TNFSF4: variants seen among roughly 807,000 people sequenced by gnomAD.
The protein encoded by TNFSF4 is tumor necrosis factor ligand superfamily member 4.
TNFSF4 carries 4 observed loss-of-function variants against 7.3 expected under a neutral mutation model. The observed-to-expected ratio is 0.55, with a 90% CI of 0.27 to 1.25. TNFSF4 has a LOEUF of 1.25. TNFSF4 is among the 50% of genes most tolerant of loss of function. The pLI is 0.12. For synonymous variants in TNFSF4, 76 were observed against 83.7 expected (o/e 0.91, Z 0.50); for missense variants, 181 against 208.8 (o/e 0.87, Z 0.82).
At chr1:173,248,787 C>T in the TNFSF4 span, among the ~76,000 whole-genome samples, 1 of 152,120 alleles carries the variant, frequency 6.6e-6, no homozygotes, top group East Asian at 1.9e-4. Context: ...ACTCCCTGTT[C>T]GTCAGTGCAC....
the TNFSF4 span, among the ~76,000 whole-genome samples, chr1:173,308,285 C>CTCTGTGTGTGTG: frequency 5.2e-5 from 7 of 135,124 alleles, no homozygotes; most frequent in East Asian, 2.1e-4. Context: ...CTCTCTCTCT[C>CTCTGTGTGTGTG]TGTGTGTGTG....
At chr1:173,383,180 T>A in the TNFSF4 span, among the ~76,000 whole-genome samples, 2 of 152,110 alleles carry the variant, frequency 1.3e-5, no homozygotes, top group African/African-American at 2.4e-5. Flanking sequence ...TAACTAAACA[T>A]CTTACTATGT....
chr1:173,416,638 T>TATTTTTTGAGA, the TNFSF4 span, among the ~76,000 whole-genome samples: 458 of 110,132 alleles, frequency 4.2e-3, 2 homozygotes, highest in African/African-American at 0.011. Flanking sequence ...ATTTATTTTT[T>TATTTTTTGAGA]GAGAGAGAGA....
the TNFSF4 span, among the ~76,000 whole-genome samples, chr1:173,283,672 C>A: frequency 3.3e-5 from 5 of 152,126 alleles, no homozygotes; most frequent in South Asian, 4.1e-4. Flanking sequence ...AAAGAAAATT[C>A]TAAGACTATA....
chr1:173,311,114 G>T, the TNFSF4 span, among the ~76,000 whole-genome samples: 21 of 151,800 alleles, frequency 1.4e-4, no homozygotes, highest in Admixed American at 1.2e-3. Flanking sequence ...TTTTAATGTT[G>T]TTAGTGATCA....
the TNFSF4 span, among the ~76,000 whole-genome samples, chr1:173,356,170 G>A: frequency 2.0e-5 from 3 of 152,186 alleles, no homozygotes. Flanking sequence ...GGGATGCTCT[G>A]GCTTTTCAGG....
At chr1:173,401,282 A>T in the TNFSF4 span, among the ~76,000 whole-genome samples, 1 of 152,198 alleles carries the variant, frequency 6.6e-6, no homozygotes, top group African/African-American at 2.4e-5. Flanking sequence ...TTGGAGGTTA[A>T]GTATGGTTTC....
At chr1:173,261,141 C>T in the TNFSF4 span, among the ~76,000 whole-genome samples, 1 of 152,166 alleles carries the variant, frequency 6.6e-6, no homozygotes, top group African/African-American at 2.4e-5. Flanking sequence ...CAAATAGTCT[C>T]TCAGAAAGTA....
At chr1:173,430,728 T>G in the TNFSF4 span, among the ~76,000 whole-genome samples, 1 of 152,196 alleles carries the variant, frequency 6.6e-6, no homozygotes, top group East Asian at 1.9e-4. Context: ...TTGTATTAGG[T>G]GACAGGCAAT....
At chr1:173,218,708 A>C in the TNFSF4 span, among the ~76,000 whole-genome samples, 1 of 152,156 alleles carries the variant, frequency 6.6e-6, no homozygotes, top group Non-Finnish European at 1.5e-5. Flanking sequence ...AATATATATA[A>C]ATTTTTTTTT....
At chr1:173,248,830 A>T in the TNFSF4 span, among the ~76,000 whole-genome samples, 1 of 152,248 alleles carries the variant, frequency 6.6e-6, no homozygotes, top group Non-Finnish European at 1.5e-5. Context: ...ACTATCCTAT[A>T]TATACGGCAT....
chr1:173,249,731 A>G, the TNFSF4 span, among the ~76,000 whole-genome samples: 1 of 152,210 alleles, frequency 6.6e-6, no homozygotes, highest in African/African-American at 2.4e-5. Flanking sequence ...GCAAGACTAC[A>G]CTCAGTACCA....
chr1:173,302,014 G>A, the TNFSF4 span, among the ~76,000 whole-genome samples: 1 of 151,868 alleles, frequency 6.6e-6, no homozygotes, highest in Admixed American at 6.6e-5. Flanking sequence ...AAAGCTAAAA[G>A]AATTGAGGTC....
chr1:173,259,432 C>T, the TNFSF4 span, among the ~76,000 whole-genome samples: 2 of 152,184 alleles, frequency 1.3e-5, no homozygotes, highest in Non-Finnish European at 2.9e-5. Flanking sequence ...CAGAGTGCCT[C>T]TTCTCCTCCA....
the TNFSF4 span, among the ~76,000 whole-genome samples, chr1:173,377,601 T>C: frequency 2.5e-4 from 38 of 152,326 alleles, no homozygotes; most frequent in African/African-American, 8.2e-4. Context: ...CTCTCTTCTC[T>C]GAGGATAGTC....
At chr1:173,439,214 T>C in the TNFSF4 span, among the ~76,000 whole-genome samples, 1 of 152,242 alleles carries the variant, frequency 6.6e-6, no homozygotes, top group Non-Finnish European at 1.5e-5. Flanking sequence ...GCTTCTTTCC[T>C]AATCAACCAC....
chr1:173,310,190 GC>G, the TNFSF4 span, among the ~76,000 whole-genome samples: 11 of 151,516 alleles, frequency 7.3e-5, no homozygotes, highest in Admixed American at 2.0e-4. Flanking sequence ...ACTTTCTTTA[GC>G]TTAAATTTGT....
At chr1:173,389,985 A>T in the TNFSF4 span, among the ~76,000 whole-genome samples, 2,796 of 152,218 alleles carry the variant, frequency 0.018, 81 homozygotes, top group African/African-American at 0.063. Flanking sequence ...AATTCCTAGC[A>T]ATTAATTCTG....
chr1:173,258,247 G>T, the TNFSF4 span, among the ~76,000 whole-genome samples: 1 of 151,968 alleles, frequency 6.6e-6, no homozygotes, highest in East Asian at 1.9e-4. Flanking sequence ...GAACAAAAAT[G>T]GTAAGTGAAG....
Sources: allele counts gnomAD v4.1 joint callset (sites outside exome capture counted in the v4.1 genomes callset), GRCh38; gene constraint gnomAD v4.1.1; transcripts MANE v1.5; gene names NCBI Gene and HGNC (gene_info 2026-07-23, HGNC 2026-07-21).